DNAH14: variants seen among roughly 807,000 people sequenced by gnomAD.
DNAH14 encodes the protein axonemal beta dynein heavy chain 14.
Under a neutral mutation model 520.9 loss-of-function variants are expected in DNAH14, and 478 were observed. That is an observed-to-expected ratio of 0.92 (90% CI 0.85 to 0.99). The LOEUF (loss-of-function observed/expected upper bound fraction) is 0.99, where lower values mean the gene tolerates loss of function less well. Among genes scored for constraint, DNAH14 ranks in the 50% least tolerant of loss-of-function variants. The probability of loss-of-function intolerance (pLI) is 0.00; values close to 1 mark genes in which losing one functional copy is unlikely to be tolerated. For missense variants in DNAH14, 4,831 were observed against 5,234.5 expected, an observed-to-expected ratio of 0.92 and a Z score of 2.38; for synonymous variants, 1,581 against 1,757.2, an observed-to-expected ratio of 0.90 and a Z score of 2.51.
intron 1 of DNAH14, among the ~76,000 whole-genome samples, chr1:224,936,659 A>T (rs1436893235): frequency 6.6e-6 from 1 of 151,932 alleles, no homozygotes; most frequent in Non-Finnish European, 1.5e-5. Flanking sequence ...AACTAATACT[A>T]ATCCTACTCA....
At chr1:225,086,236 C>T (rs1016428993) in intron 21 of DNAH14, among the ~76,000 whole-genome samples, 7 of 151,712 alleles carry the variant, frequency 4.6e-5, no homozygotes, top group Non-Finnish European at 1.0e-4. Flanking sequence ...GGGTTCACGC[C>T]ATTCTCCTGC....
In DNAH14 at chr1:225,398,600, A is replaced by T; in HGVS notation, c.13572A>T (p.Ile4524=). The change falls in exon 85 of 86, where the codon ATA becomes ATT. Residue 4524 remains isoleucine, a synonymous_variant. Transcript: ENST00000682510. ...CAAGATGGAATCGTGAACAGAAAAT[A>T]CTGGAAGACTCGCTGCCTCTGGAGA... ...EGARWNREQK[I]LEDSLPLEMC... 6.4e-7 allele frequency: 1 copy of T among 1,551,768 alleles called. No individual in the cohort carries two copies. Among genetic ancestry groups the T allele is most frequent in the Non-Finnish European group, 8.7e-7 (1 of 1,147,000 alleles).
intron 17 of DNAH14, among the ~76,000 whole-genome samples, chr1:225,061,756 T>G (rs897212446): frequency 3.3e-5 from 5 of 152,174 alleles, no homozygotes; most frequent in Admixed American, 6.5e-5. Flanking sequence ...ATAGCTAGGA[T>G]TATAGGCACA....
intron 37 of DNAH14, among the ~76,000 whole-genome samples, chr1:225,187,269 A>G (rs1026254680): frequency 2.0e-5 from 3 of 151,734 alleles, no homozygotes; most frequent in African/African-American, 7.2e-5. Context: ...AAATATTTTT[A>G]TCACCCCAGG....
Position 224,966,939 on chromosome 1 carries a change from C to A in DNAH14, c.499-492C>A, listed in dbSNP as rs112662115. Among the ~76,000 whole-genome samples, 416 of 152,208 alleles carry A rather than the reference C, an allele frequency of 2.7e-3. 3 individuals are homozygous for A. The highest frequency in any genetic ancestry group is 9.4e-3 in the African/African-American group (390 of 41,526). ...AATATGAGAGATGAAAGTTAATAAA[C>A]TCTTATGGTTGTAAAGATAATGTAT... is the stretch of plus-strand genomic sequence containing the variant. On this transcript the variant is annotated intron_variant, in intron 5 of 85. Transcript: ENST00000682510.
At chr1:225,330,517 A>G in intron 64 of DNAH14, among the ~76,000 whole-genome samples, 1 of 152,204 alleles carries the variant, frequency 6.6e-6, no homozygotes, top group South Asian at 2.1e-4. Flanking sequence ...CACTGATGGA[A>G]GTGGAGGTCA....
chr1:225,361,306 T>C (rs16844799), intron 75 of DNAH14, among the ~76,000 whole-genome samples: 13,214 of 152,332 alleles, frequency 0.087, 642 homozygotes, highest in Middle Eastern at 0.15. Context: ...GCTTAGTATC[T>C]ATTCTGACTT....
intron 76 of DNAH14, 87 bp downstream of exon 76, chr1:225,364,981 A>G: frequency 1.0e-6 from 1 of 969,684 alleles, no homozygotes; most frequent in Non-Finnish European, 1.5e-6. Flanking sequence ...CTGAGTTTAA[A>G]AGAGAAAGCT....
chr1:225,263,198 A>G (rs895858105), intron 46 of DNAH14, among the ~76,000 whole-genome samples: 2 of 150,418 alleles, frequency 1.3e-5, no homozygotes, highest in Non-Finnish European at 3.0e-5. Context: ...CGAGATATAT[A>G]TATACACACA....
At chr1:225,044,234 C>G (rs751326049) in intron 15 of DNAH14, among the ~76,000 whole-genome samples, 4 of 152,090 alleles carry the variant, frequency 2.6e-5, no homozygotes, top group Non-Finnish European at 2.9e-5. Context: ...TTTTCAGTTA[C>G]ATTCTATAGA....
rs756741048 is a variant in DNAH14 at position 224,954,986 on chromosome 1, T to C, written c.105T>C (p.Tyr35=). 1 of 1,599,524 alleles carries C rather than the reference T, an allele frequency of 6.3e-7. No homozygotes were observed. The highest frequency in any genetic ancestry group is 1.3e-5 in the African/African-American group (1 of 74,512). ...PRLLRYEEKK[Y]EDVKPLETQP... is the part of the protein sequence containing the mutation. ...TTTTAAGATATGAAGAGAAAAAATA[T>C]GAAGATGTGAAACCATTAGAGACTC... The change falls in exon 3 of 86, where the codon TAT becomes TAC. Residue 35 remains tyrosine, a synonymous_variant. Transcript: ENST00000682510.
chr1:225,213,584 G>A (rs557433757), intron 41 of DNAH14, among the ~76,000 whole-genome samples: 1 of 152,028 alleles, frequency 6.6e-6, no homozygotes, highest in Non-Finnish European at 1.5e-5. Flanking sequence ...TTATTTCGTT[G>A]AGCAGTGGTT....
At chr1:225,049,047 A>AT (rs71170051) in intron 15 of DNAH14, among the ~76,000 whole-genome samples, 1,372 of 56,274 alleles carry the variant, frequency 0.024, 405 homozygotes, top group African/African-American at 0.11. Context: ...TCTCTTGCCT[A>AT]TTTTTTTTTT....
At chr1:225,367,098 C>CATA (rs2095562727) in intron 76 of DNAH14, among the ~76,000 whole-genome samples, 1 of 151,726 alleles carries the variant, frequency 6.6e-6, no homozygotes, top group South Asian at 2.1e-4. Context: ...TATATAGATA[C>CATA]CCACACAACT....
intron 1 of DNAH14, among the ~76,000 whole-genome samples, chr1:224,939,483 A>G (rs1262622351): frequency 6.6e-6 from 1 of 152,174 alleles, no homozygotes; most frequent in East Asian, 1.9e-4. Flanking sequence ...ATCCTGGCTA[A>G]CATGGTGAAA....
Position 225,374,764 on chromosome 1 carries a change from GAGAAGTGATT to G in DNAH14, c.12396_12405del (p.Glu4133ThrfsTer5). On this transcript the variant is annotated frameshift_variant, in exon 78 of 86. Transcript: ENST00000682510. LOFTEE classifies it high-confidence loss of function. ...TGGCAAGCACTGCGCTACCTGATTG[GAGAAGTGATT>G]TACGGTGGCCGGGTGATTGATAATT... The G allele has an allele frequency of 6.4e-7, 1 of 1,551,584 alleles. No individual in the cohort carries two copies. The highest frequency in any genetic ancestry group is 1.7e-4 in the Middle Eastern group (1 of 5,992).
At chr1:225,138,607 T>G (rs939930701) in intron 27 of DNAH14, among the ~76,000 whole-genome samples, 1 of 152,166 alleles carries the variant, frequency 6.6e-6, no homozygotes, top group Non-Finnish European at 1.5e-5. Flanking sequence ...CACAGCTCTG[T>G]GTACTGGACC....
At chr1:225,312,408 C>T (rs1000602717) in intron 60 of DNAH14, among the ~76,000 whole-genome samples, 2 of 152,056 alleles carry the variant, frequency 1.3e-5, no homozygotes, top group Non-Finnish European at 2.9e-5. Context: ...AATTTGACTC[C>T]CTCTCTTCCT....
intron 72 of DNAH14, among the ~76,000 whole-genome samples, chr1:225,353,555 A>T (rs1371131541): frequency 6.6e-6 from 1 of 152,136 alleles, no homozygotes; most frequent in African/African-American, 2.4e-5. Context: ...TTATATTACT[A>T]TTCATTCACC....
Sources: allele counts gnomAD v4.1 joint callset (sites outside exome capture counted in the v4.1 genomes callset), GRCh38; gene constraint gnomAD v4.1.1; transcripts MANE v1.5; gene names NCBI Gene and HGNC (gene_info 2026-07-23, HGNC 2026-07-21).